SLIT3: variants seen among roughly 807,000 people sequenced by gnomAD.
SLIT3 encodes slit homolog 3 protein.
A neutral mutation model predicts 184.0 loss-of-function variants in SLIT3; 68 were observed. That is an observed-to-expected ratio of 0.37 (90% CI 0.30 to 0.45). SLIT3 has a LOEUF of 0.45. Among genes scored for constraint, SLIT3 ranks in the 20% least tolerant of loss-of-function variants. The probability of loss-of-function intolerance (pLI) is 1.00; values close to 1 mark genes in which losing one functional copy is unlikely to be tolerated. For missense variants in SLIT3, 1,707 were observed against 2,026.0 expected, an observed-to-expected ratio of 0.84 and a Z score of 3.02; for synonymous variants, 831 against 828.6, an observed-to-expected ratio of 1.00 and a Z score of -0.05.
intron 8 of SLIT3, among the ~76,000 whole-genome samples, chr5:168,810,740 C>A (rs1757133281): frequency 6.6e-6 from 1 of 152,152 alleles, no homozygotes; most frequent in Non-Finnish European, 1.5e-5. Context: ...GGCCTGATGA[C>A]TTCAAGGGGG....
Position 168,960,099 on chromosome 5 carries a change from T to C in SLIT3, c.414-76763A>G, listed in dbSNP as rs75653466. 3.9e-3 allele frequency among the ~76,000 whole-genome samples: 599 copies of C among 152,300 alleles called. 1 individual carries two copies. Among genetic ancestry groups the C allele is most frequent in the Non-Finnish European group, 6.3e-3 (427 of 68,018 alleles). On this transcript the variant is annotated intron_variant, in intron 4 of 35. Coordinates refer to ENST00000519560, the MANE Select transcript of SLIT3 (RefSeq NM_003062.4). ...AGAGAGTCTCAGGTATTCTGTTGTA[T>C]ATTGTCTATGTAGCATGGTCAAATG... is the stretch of plus-strand genomic sequence containing the variant.
intron 3 of SLIT3, among the ~76,000 whole-genome samples, chr5:169,226,283 A>G (rs571840563): frequency 6.6e-6 from 1 of 152,234 alleles, no homozygotes; most frequent in African/African-American, 2.4e-5. Flanking sequence ...CTTCTGGGTC[A>G]GAGAGTCTCC....
At chr5:168,900,369 C>A (rs1210211449) in intron 4 of SLIT3, among the ~76,000 whole-genome samples, 2 of 152,160 alleles carry the variant, frequency 1.3e-5, no homozygotes, top group Non-Finnish European at 2.9e-5. Flanking sequence ...AATCCCAGCA[C>A]TTTGGGAGGC....
At chr5:169,268,877 C>T (rs1766498423) in intron 1 of SLIT3, among the ~76,000 whole-genome samples, 1 of 152,158 alleles carries the variant, frequency 6.6e-6, no homozygotes, top group South Asian at 2.1e-4. Context: ...ATATCAGGCA[C>T]TGTTCATCTC....
At chr5:168,891,465 G>A (rs2113808470) in intron 4 of SLIT3, among the ~76,000 whole-genome samples, 1 of 152,294 alleles carries the variant, frequency 6.6e-6, no homozygotes, top group African/African-American at 2.4e-5. Flanking sequence ...AGGGGAGACT[G>A]GTTGCTGGGA....
At chr5:169,062,226 C>G (rs906673421) in intron 4 of SLIT3, among the ~76,000 whole-genome samples, 2 of 152,068 alleles carry the variant, frequency 1.3e-5, no homozygotes, top group African/African-American at 4.8e-5. Context: ...AGAATTTATA[C>G]CATCCCAGAA....
chr5:168,761,971 A>C (rs1283904412), intron 15 of SLIT3, among the ~76,000 whole-genome samples: 3 of 138,666 alleles, frequency 2.2e-5, no homozygotes, highest in African/African-American at 8.2e-5. Context: ...GGGTCTCACT[A>C]TGTTGCCCAG....
intron 4 of SLIT3, among the ~76,000 whole-genome samples, chr5:169,056,186 G>GTCTC (rs1383732886): frequency 6.6e-6 from 1 of 152,152 alleles, no homozygotes; most frequent in Non-Finnish European, 1.5e-5. Context: ...CAGAAGGGAG[G>GTCTC]TCTCAGTAGG....
At chr5:169,187,361 T>C (rs929445874) in intron 4 of SLIT3, among the ~76,000 whole-genome samples, 2 of 151,906 alleles carry the variant, frequency 1.3e-5, no homozygotes, top group Non-Finnish European at 2.9e-5. Context: ...TCCGCCCACC[T>C]TGGCCTTCCA....
At chr5:169,148,528 G>GAGCA (rs1179258007) in intron 4 of SLIT3, among the ~76,000 whole-genome samples, 1 of 152,188 alleles carries the variant, frequency 6.6e-6, no homozygotes, top group Non-Finnish European at 1.5e-5. Flanking sequence ...CTCTTAATAA[G>GAGCA]TCTGAGATTA....
At chr5:168,759,028 AAC>A (rs1487718348) in intron 16 of SLIT3, among the ~76,000 whole-genome samples, 1 of 152,160 alleles carries the variant, frequency 6.6e-6, no homozygotes, top group Non-Finnish European at 1.5e-5. Context: ...GTGTACATGA[AAC>A]ACAAGTGAAT....
chr5:169,016,653 C>T (rs917373885), intron 4 of SLIT3, among the ~76,000 whole-genome samples: 1 of 152,156 alleles, frequency 6.6e-6, no homozygotes, highest in Non-Finnish European at 1.5e-5. Flanking sequence ...TTAATCCTCA[C>T]AATAACATAC....
At chr5:169,128,263 CAT>C (rs61173059) in intron 4 of SLIT3, among the ~76,000 whole-genome samples, 6,583 of 146,848 alleles carry the variant, frequency 0.045, 241 homozygotes, top group African/African-American at 0.097. Context: ...TATATATATA[CAT>C]ATATATATTT....
chr5:169,124,494 G>A (rs1581433460), intron 4 of SLIT3, among the ~76,000 whole-genome samples: 1 of 152,106 alleles, frequency 6.6e-6, no homozygotes, highest in African/African-American at 2.4e-5. Context: ...ATCAAAGAAG[G>A]GATTGATTCC....
chr5:168,856,737 T>C (rs1034249662), intron 5 of SLIT3, among the ~76,000 whole-genome samples: 1 of 151,912 alleles, frequency 6.6e-6, no homozygotes, highest in Admixed American at 6.6e-5. Context: ...AGATTGCATT[T>C]GCATTTGCAT....
intron 13 of SLIT3, 82 bp downstream of exon 13, chr5:168,774,153 C>A: frequency 7.2e-7 from 1 of 1,382,450 alleles, no homozygotes. Context: ...TCGTGCTGCC[C>A]TCATTTGGGT....
At chr5:169,293,889 G>T (rs146280981) in intron 1 of SLIT3, among the ~76,000 whole-genome samples, 1 of 152,228 alleles carries the variant, frequency 6.6e-6, no homozygotes, top group Non-Finnish European at 1.5e-5. Context: ...ACAGATCACC[G>T]TCCAGGCCTG....
chr5:168,857,388 GT>G (rs1554149576), intron 5 of SLIT3, among the ~76,000 whole-genome samples: 6 of 152,024 alleles, frequency 3.9e-5, no homozygotes, highest in Admixed American at 1.3e-4. Flanking sequence ...GTTTTGTTTT[GT>G]TTTGTTTTGT....
intron 4 of SLIT3, among the ~76,000 whole-genome samples, chr5:169,092,048 C>A (rs1271019994): frequency 2.0e-5 from 3 of 152,126 alleles, no homozygotes; most frequent in Non-Finnish European, 4.4e-5. Context: ...ATGGTGACAC[C>A]CCATCTCTAC....
Sources: gnomAD v4.1 joint callset for allele counts (sites outside exome capture counted in the v4.1 genomes callset) on GRCh38, gnomAD v4.1.1 for gene constraint, MANE v1.5 for transcripts, NCBI Gene and HGNC (gene_info 2026-07-23, HGNC 2026-07-21) for gene names.